The following CACNB1 variants were observed in gnomAD, a reference collection of about 807,000 sequenced individuals.
The protein encoded by CACNB1 is voltage-dependent L-type calcium channel subunit beta-1.
Under a neutral mutation model 71.6 loss-of-function variants are expected in CACNB1, and 29 were observed. The ratio of observed to expected loss-of-function variants is 0.40; its 90% CI spans 0.30 to 0.55. The LOEUF (loss-of-function observed/expected upper bound fraction) is 0.55, where lower values mean the gene tolerates loss of function less well. Among genes scored for constraint, CACNB1 ranks in the 20% least tolerant of loss-of-function variants. The pLI is 0.38. For missense variants in CACNB1, 623 were observed against 801.8 expected, an observed-to-expected ratio of 0.78 and a Z score of 2.69; for synonymous variants, 300 against 319.6, an observed-to-expected ratio of 0.94 and a Z score of 0.65.
At chr17:39,192,595 G>C (rs976697049) in intron 2 of CACNB1, 1 of 152,778 alleles carries the variant, frequency 6.5e-6, no homozygotes, top group African/African-American at 2.4e-5. Flanking sequence ...GGAGGCAAGA[G>C]GTGTGGATTT....
At chr17:39,195,006 GAA>G (rs2144184409) in intron 1 of CACNB1, 36 bp from the exon 2 acceptor site, 1 of 1,458,298 alleles carries the variant, frequency 6.9e-7, no homozygotes, top group East Asian at 2.3e-5. Context: ...AGTAGAATCA[GAA>G]GGGCCCTTTC....
intron 11 of CACNB1, among the ~76,000 whole-genome samples, chr17:39,178,546 A>AT (rs1004867511): frequency 2.6e-5 from 4 of 151,218 alleles, no homozygotes; most frequent in African/African-American, 7.3e-5. Flanking sequence ...TACCCCACTA[A>AT]TTTTTTTTAA....
chr17:39,183,722 G>A lies in CACNB1; in HGVS notation c.1041C>T (p.Thr347=), dbSNP rs1230541853. The stretch of plus-strand genomic sequence containing the variant: ...AGGCTCCTGCACCCACCTTGGGAGA[G>A]GTGATCTTGATGTAAACAATGATGG... ...LAPIIVYIKI[T]SPKVLQRLIK... Residue 347 remains threonine, a synonymous_variant, in exon 11 of 14, where the codon ACC becomes ACT. Transcript: ENST00000394303. 4 of 1,603,486 alleles carry A rather than the reference G, an allele frequency of 2.5e-6. No homozygotes were observed. The highest frequency in any genetic ancestry group is 3.4e-6 in the Non-Finnish European group (4 of 1,174,634).
At chr17:39,185,183 G>A (rs778710193) in intron 6 of CACNB1, 33 bp from the exon 7 acceptor site, 6 of 1,598,826 alleles carry the variant, frequency 3.8e-6, no homozygotes, top group South Asian at 2.2e-5. Context: ...GAGGGAAGGG[G>A]GAGGAGAGAG....
At chr17:39,176,029 G>A (rs2045570041) in intron 13 of CACNB1, among the ~76,000 whole-genome samples, 2 of 152,138 alleles carry the variant, frequency 1.3e-5, no homozygotes, top group Non-Finnish European at 2.9e-5. Flanking sequence ...CGGTTGATTC[G>A]GTTAGTCATT....
At chr17:39,176,708 G>C (rs2045586722) in intron 13 of CACNB1, among the ~76,000 whole-genome samples, 1 of 152,214 alleles carries the variant, frequency 6.6e-6, no homozygotes, top group South Asian at 2.1e-4. Context: ...TTAATGGTGT[G>C]CCATCAAGAG....
chr17:39,187,640 C>A, intron 3 of CACNB1, 39 bp from the exon 4 acceptor site: 2 of 1,611,712 alleles, frequency 1.2e-6, no homozygotes, highest in Middle Eastern at 1.7e-4. Context: ...AACTAGAGGG[C>A]AAACCACAAT....
Position 39,175,857 on chromosome 17 carries a change from G to C in CACNB1, c.1333-200C>G, listed in dbSNP as rs957550385. Among the ~76,000 whole-genome samples, 1 of 152,136 alleles carries C rather than the reference G, an allele frequency of 6.6e-6. No individual in the cohort carries two copies. The highest frequency in any genetic ancestry group is 1.5e-5 in the Non-Finnish European group (1 of 68,028). On this transcript the variant is annotated intron_variant, in intron 13 of 13. Coordinates refer to ENST00000394303, the MANE Select transcript of CACNB1 (RefSeq NM_000723.5). This position sits in a 1 kb window ranked among gnomAD's most constrained non-coding sequence, Gnocchi z 4.7. ...CCTCAGGGCATTTGCTCCTCTCTCG[G>C]GACAGGGGGCACCCGACCTTCAACA...
chr17:39,177,944 G>GT, intron 12 of CACNB1, 40 bp downstream of exon 12: 1 of 1,497,850 alleles, frequency 6.7e-7, no homozygotes, highest in Non-Finnish European at 9.3e-7. Flanking sequence ...CAACCCAAAT[G>GT]TTCTCCCTCC....
At position 39,197,629 on chromosome 17, in the gene CACNB1, C is replaced by T; in HGVS notation, c.-134G>A. 3 of 621,356 alleles carry T rather than the reference C, an allele frequency of 4.8e-6. No individual in the cohort carries two copies. Among genetic ancestry groups the T allele is most frequent in the Non-Finnish European group, 8.1e-6 (3 of 368,920 alleles). 38.5% of individuals were successfully genotyped at this position (621,356 alleles called of 1,614,324 possible). Reference sequence around the variant, plus strand: ...AGCCACCCAGCTCGGCCTTCGGCTGCCTCCTTCCTGCCTTCCCTCGCTCCT... The same window carrying T: ...AGCCACCCAGCTCGGCCTTCGGCTGTCTCCTTCCTGCCTTCCCTCGCTCCT... On this transcript the variant is annotated 5_prime_UTR_variant, in exon 1 of 14. Coordinates refer to ENST00000394303, the MANE Select transcript of CACNB1 (RefSeq NM_000723.5).
chr17:39,184,337 C>A lies in CACNB1; in HGVS notation c.776G>T (p.Arg259Leu). 1 of 1,549,762 alleles carries A rather than the reference C, an allele frequency of 6.5e-7. No individual in the cohort carries two copies. Among genetic ancestry groups the A allele is most frequent in the Non-Finnish European group, 8.7e-7 (1 of 1,145,592 alleles). ...QKALFDFLKH[R>L]FDGRISITRV... ...CCCAGGATCTTACCTGCCATCAAAC[C>A]GATGCTTCAAGAAGTCAAATAAAGC... Residue 259 changes from arginine (R) to leucine (L), a missense_variant, in exon 9 of 14, where the codon CGG (arginine) becomes CTG (leucine). By Grantham distance (102) the Arg-to-Leu change is moderately radical. Coordinates refer to ENST00000394303, the MANE Select transcript of CACNB1 (RefSeq NM_000723.5).
intron 11 of CACNB1, among the ~76,000 whole-genome samples, chr17:39,180,695 T>C (rs1008958928): frequency 6.6e-6 from 1 of 151,818 alleles, no homozygotes; most frequent in Non-Finnish European, 1.5e-5. Context: ...TAAAAGTAAA[T>C]GTTTCAAAAT....
At chr17:39,176,206 G>A (rs1375460943) in intron 13 of CACNB1, among the ~76,000 whole-genome samples, 1 of 152,052 alleles carries the variant, frequency 6.6e-6, no homozygotes, top group Non-Finnish European at 1.5e-5. Flanking sequence ...TTCCTCCCTT[G>A]CCCCCAACAA....
Position 39,187,523 on chromosome 17 carries a change from C to T in CACNB1, c.370G>A (p.Val124Met). The T allele has an allele frequency of 6.2e-7, 1 of 1,614,174 alleles. No individual in the cohort carries two copies. The highest frequency in any genetic ancestry group is 8.5e-7 in the Non-Finnish European group (1 of 1,180,030). Residue 124 changes from valine to methionine, a missense_variant, in exon 4 of 14, where the codon GTG becomes ATG. By Grantham distance (21) the Val-to-Met change is conservative. Transcript: ENST00000394303. ...TCTTTGGGCTCGAAGGTGATGGCCA[C>T]TCCCTGCACAGGCACCTCATCCCCT... The part of the protein sequence containing the change: ...SPGDEVPVQG[V>M]AITFEPKDFL...
intron 2 of CACNB1, chr17:39,193,425 C>T (rs1452844406): frequency 1.1e-5 from 5 of 445,164 alleles, no homozygotes; most frequent in Non-Finnish European, 1.8e-5. Context: ...TACCCGCTGC[C>T]ACCCCACTCC....
Position 39,175,197 on chromosome 17 carries a change from C to A in CACNB1, c.1793G>T (p.Arg598Leu). Reference protein sequence around the residue: ...LEGWGRGVYIR With the variant: ...LEGWGRGVYIL ...CCGCCGTGTGGCCCCTGCCTCTCAG[C>A]GAATGTAGACGCCTCGTCCCCAGCC... The change falls in exon 14 of 14, where the codon CGC becomes CTC. Residue 598 changes from arginine (R) to leucine (L), a missense_variant. Coordinates refer to ENST00000394303, the MANE Select transcript of CACNB1 (RefSeq NM_000723.5). The surrounding 1 kb of genome is among the most constrained non-coding windows in gnomAD (Gnocchi z 4.7). The A allele has an allele frequency of 6.2e-7, 1 of 1,607,812 alleles. No homozygotes were observed. The highest frequency in any genetic ancestry group is 1.1e-5 in the South Asian group (1 of 90,348).
At chr17:39,190,692 T>G (rs559821696) in intron 3 of CACNB1, among the ~76,000 whole-genome samples, 273 of 151,718 alleles carry the variant, frequency 1.8e-3, no homozygotes, top group Non-Finnish European at 3.5e-3. Context: ...CCTCCCAAAG[T>G]GCTGGGATTA....
chr17:39,180,031 G>A (rs1208293769), intron 11 of CACNB1, among the ~76,000 whole-genome samples: 4 of 152,238 alleles, frequency 2.6e-5, no homozygotes, highest in South Asian at 4.2e-4. Context: ...GGGAGGCAGG[G>A]GTGGTGGTGG....
In CACNB1 at chr17:39,194,878, C is replaced by G; in HGVS notation, c.171+6G>C. ...CTCCCTCCTCTCCGCCCAGCCTCCCCATTACCTGGCGGACAAAGCTGTTGG... is the reference window on the plus strand; with the variant it reads ...CTCCCTCCTCTCCGCCCAGCCTCCCGATTACCTGGCGGACAAAGCTGTTGG... On this transcript the variant is annotated splice_donor_region_variant and intron_variant, in intron 2 of 13. Coordinates refer to ENST00000394303, the MANE Select transcript of CACNB1 (RefSeq NM_000723.5). The surrounding 1 kb of genome is among the most constrained non-coding windows in gnomAD (Gnocchi z 4.6). 6 of 1,601,502 alleles carry G rather than the reference C, an allele frequency of 3.7e-6. No homozygotes were observed. The highest frequency in any genetic ancestry group is 5.1e-6 in the Non-Finnish European group (6 of 1,169,814).
Sources: gnomAD v4.1 joint callset for allele counts (sites outside exome capture counted in the v4.1 genomes callset) on GRCh38, gnomAD v4.1.1 for gene constraint, Gnocchi (gnomAD v3.1) non-coding constraint, MANE v1.5 for transcripts, NCBI Gene and HGNC (gene_info 2026-07-23, HGNC 2026-07-21) for gene names.